Variants in ADGRB3 observed in about 807,000 individuals in gnomAD.
The protein encoded by ADGRB3 is brain-specific angiogenesis inhibitor 3.
A neutral mutation model predicts 193.4 loss-of-function variants in ADGRB3; 37 were observed. The ratio of observed to expected loss-of-function variants is 0.19; its 90% CI spans 0.15 to 0.25. The LOEUF (loss-of-function observed/expected upper bound fraction) is 0.25. Among genes scored for constraint, ADGRB3 ranks in the 10% least tolerant of loss-of-function variants. The pLI is 1.00. For missense variants in ADGRB3, 1,637 were observed against 1,852.9 expected (o/e 0.88, Z 2.14); for synonymous variants, 690 against 644.2 (o/e 1.07, Z -1.08).
At chr6:69,354,392 C>G in intron 27 of ADGRB3, 64 bp downstream of exon 27, 1 of 1,375,338 alleles carries the variant, frequency 7.3e-7, no homozygotes, top group Admixed American at 1.7e-5. Context: ...TAAAAGAAAT[C>G]CTTATGAGTA....
chr6:68,682,608 G>T (rs1483287831), intron 3 of ADGRB3, among the ~76,000 whole-genome samples: 5 of 152,146 alleles, frequency 3.3e-5, no homozygotes, highest in Admixed American at 3.3e-4. Flanking sequence ...ATCAGACTAT[G>T]CTGTTAGCAG....
At chr6:69,375,581 A>G (rs1769798702) in intron 30 of ADGRB3, among the ~76,000 whole-genome samples, 1 of 152,064 alleles carries the variant, frequency 6.6e-6, no homozygotes, top group Non-Finnish European at 1.5e-5. Flanking sequence ...AATATTTTAG[A>G]ATAAAGATTC....
At chr6:68,721,089 C>G (rs1765567786) in intron 3 of ADGRB3, among the ~76,000 whole-genome samples, 1 of 151,706 alleles carries the variant, frequency 6.6e-6, no homozygotes, top group African/African-American at 2.4e-5. Flanking sequence ...GGATCTAGAA[C>G]TAGAAATACC....
At chr6:68,765,839 C>G (rs1440147155) in intron 3 of ADGRB3, among the ~76,000 whole-genome samples, 1 of 151,830 alleles carries the variant, frequency 6.6e-6, no homozygotes, top group Non-Finnish European at 1.5e-5. Flanking sequence ...TGAAAAATCC[C>G]TACAAAAGCT....
intron 3 of ADGRB3, among the ~76,000 whole-genome samples, chr6:68,689,727 G>T (rs577205065): frequency 1.1e-4 from 17 of 151,686 alleles, no homozygotes; most frequent in Admixed American, 1.1e-3. Flanking sequence ...TTTAAAAGCC[G>T]ATAAGGAGCT....
intron 3 of ADGRB3, among the ~76,000 whole-genome samples, chr6:68,827,752 T>C (rs950485367): frequency 2.0e-5 from 3 of 152,112 alleles, no homozygotes; most frequent in Non-Finnish European, 4.4e-5. Flanking sequence ...TTTTCACAAA[T>C]GTAGTGCATC....
At chr6:68,682,233 A>G (rs1764908848) in intron 3 of ADGRB3, among the ~76,000 whole-genome samples, 1 of 152,262 alleles carries the variant, frequency 6.6e-6, no homozygotes, top group South Asian at 2.1e-4. Flanking sequence ...TTGAAAATAA[A>G]GCATTATTTC....
chr6:69,089,567 T>TA (rs535761783), intron 17 of ADGRB3, among the ~76,000 whole-genome samples: 4 of 152,258 alleles, frequency 2.6e-5, no homozygotes, highest in South Asian at 4.1e-4. Context: ...CACTGGAAAA[T>TA]AAAAAAATAA....
chr6:69,139,573 A>G (rs1207463745), intron 17 of ADGRB3, among the ~76,000 whole-genome samples: 2 of 152,222 alleles, frequency 1.3e-5, no homozygotes, highest in East Asian at 1.9e-4. Flanking sequence ...AAATGCAGAA[A>G]AGGAGATAAC....
intron 3 of ADGRB3, among the ~76,000 whole-genome samples, chr6:68,797,288 C>A (rs774659408): frequency 6.6e-6 from 1 of 151,718 alleles, no homozygotes; most frequent in Non-Finnish European, 1.5e-5. Context: ...CTGTGGACAA[C>A]AAACCACATG....
chr6:69,267,202 T>G (rs1767065420), intron 20 of ADGRB3, among the ~76,000 whole-genome samples: 1 of 152,128 alleles, frequency 6.6e-6, no homozygotes, highest in Non-Finnish European at 1.5e-5. Context: ...GATCAAGATC[T>G]TTCTCATAAA....
chr6:68,694,734 A>G (rs1447354616), intron 3 of ADGRB3, among the ~76,000 whole-genome samples: 2 of 151,958 alleles, frequency 1.3e-5, no homozygotes, highest in African/African-American at 4.8e-5. Context: ...GAACTTTCCT[A>G]ACTCCCAATA....
intron 11 of ADGRB3, among the ~76,000 whole-genome samples, chr6:68,994,792 A>G (rs1159485618): frequency 6.6e-6 from 1 of 152,182 alleles, no homozygotes; most frequent in Non-Finnish European, 1.5e-5. Context: ...AAACTCCCAG[A>G]TTAGGTTTTG....
intron 3 of ADGRB3, among the ~76,000 whole-genome samples, chr6:68,788,040 T>C (rs1767013972): frequency 6.6e-6 from 1 of 152,192 alleles, no homozygotes; most frequent in Non-Finnish European, 1.5e-5. Flanking sequence ...TTGATTTTTC[T>C]CTCTTTTCTT....
intron 10 of ADGRB3, among the ~76,000 whole-genome samples, chr6:68,983,734 G>A (rs1319706111): frequency 1.3e-5 from 2 of 151,900 alleles, no homozygotes; most frequent in Non-Finnish European, 2.9e-5. Flanking sequence ...ATAGACAGGA[G>A]ATGCGATTAA....
chr6:68,844,521 G>T (rs1050432199), intron 3 of ADGRB3, among the ~76,000 whole-genome samples: 3 of 152,116 alleles, frequency 2.0e-5, no homozygotes, highest in African/African-American at 7.2e-5. Context: ...TGGAGAAAAG[G>T]GAACCATCCT....
At chr6:69,014,577 A>T (rs1295836207) in intron 12 of ADGRB3, among the ~76,000 whole-genome samples, 2 of 151,998 alleles carry the variant, frequency 1.3e-5, no homozygotes, top group African/African-American at 2.4e-5. Flanking sequence ...TGATTTTTTA[A>T]AAATCTTTTT....
chr6:68,699,435 G>A (rs1372955123), intron 3 of ADGRB3, among the ~76,000 whole-genome samples: 3 of 152,052 alleles, frequency 2.0e-5, no homozygotes, highest in Non-Finnish European at 2.9e-5. Flanking sequence ...ACTGGCAGAA[G>A]GGGAGAAACT....
intron 17 of ADGRB3, among the ~76,000 whole-genome samples, chr6:69,134,879 A>G (rs557840803): frequency 9.2e-4 from 140 of 152,186 alleles, no homozygotes; most frequent in African/African-American, 3.3e-3. Context: ...TTGAAGAGCA[A>G]CATCTCCATA....
Sources: gnomAD v4.1 joint callset for allele counts (sites outside exome capture counted in the v4.1 genomes callset) on GRCh38, gnomAD v4.1.1 for gene constraint, MANE v1.5 for transcripts, NCBI Gene and HGNC (gene_info 2026-07-23, HGNC 2026-07-21) for gene names.